The following ELMO1 variants were observed in gnomAD, a reference collection of about 807,000 sequenced individuals.
ELMO1 encodes engulfment and cell motility protein 1.
Under a neutral mutation model 98.9 loss-of-function variants are expected in ELMO1, and 26 were observed. The ratio of observed to expected loss-of-function variants is 0.26; its 90% CI spans 0.19 to 0.36. The LOEUF is 0.36. ELMO1 is among the 10% of genes least tolerant of loss of function. The probability of loss-of-function intolerance (pLI) is 1.00; values close to 1 mark genes in which losing one functional copy is unlikely to be tolerated. For missense variants in ELMO1, 627 were observed against 935.2 expected, an observed-to-expected ratio of 0.67 and a Z score of 4.30; for synonymous variants, 346 against 346.0, an observed-to-expected ratio of 1.00 and a Z score of 0.00.
intron 16 of ELMO1, among the ~76,000 whole-genome samples, chr7:36,973,349 C>A: frequency 6.6e-6 from 1 of 152,150 alleles, no homozygotes; most frequent in East Asian, 1.9e-4. Context: ...ATAACTGAGG[C>A]CTGACATTTA....
chr7:37,333,929 T>A (rs1800258947), intron 2 of ELMO1, among the ~76,000 whole-genome samples: 1 of 152,176 alleles, frequency 6.6e-6, no homozygotes, highest in Non-Finnish European at 1.5e-5. Flanking sequence ...CCCTCATGGA[T>A]AAATTGAGGC....
intron 4 of ELMO1, among the ~76,000 whole-genome samples, chr7:37,288,534 C>T (rs1275884675): frequency 6.6e-6 from 1 of 152,192 alleles, no homozygotes; most frequent in Non-Finnish European, 1.5e-5. Flanking sequence ...CCTTGTGTCA[C>T]CTCTTTAAAG....
intron 14 of ELMO1, among the ~76,000 whole-genome samples, chr7:37,120,878 T>G (rs1057297853): frequency 6.6e-6 from 1 of 152,080 alleles, no homozygotes; most frequent in Non-Finnish European, 1.5e-5. Flanking sequence ...CACCCCCCAG[T>G]AGGGGCAGAC....
intron 17 of ELMO1, among the ~76,000 whole-genome samples, chr7:36,893,627 C>T (rs1805746002): frequency 1.3e-5 from 2 of 152,126 alleles, no homozygotes. Context: ...CTTTTTAAAC[C>T]TCATTTCAGT....
At chr7:36,875,080 T>C (rs183907086) in intron 19 of ELMO1, among the ~76,000 whole-genome samples, 11 of 152,336 alleles carry the variant, frequency 7.2e-5, no homozygotes, top group African/African-American at 2.6e-4. Flanking sequence ...GGCAATGTTA[T>C]GTGGCAAGAG....
At chr7:37,199,983 A>G (rs921173848) in intron 13 of ELMO1, among the ~76,000 whole-genome samples, 1 of 152,190 alleles carries the variant, frequency 6.6e-6, no homozygotes, top group Non-Finnish European at 1.5e-5. Context: ...ACTTGGTTCA[A>G]TGACAGGAAA....
At chr7:37,444,555 C>T (rs1805533048) in intron 1 of ELMO1, among the ~76,000 whole-genome samples, 2 of 152,118 alleles carry the variant, frequency 1.3e-5, no homozygotes, top group Non-Finnish European at 2.9e-5. Flanking sequence ...CTCTGTCGCC[C>T]AGGCTGGAGT....
At chr7:37,357,190 G>A (rs1331737283) in intron 1 of ELMO1, among the ~76,000 whole-genome samples, 1 of 152,130 alleles carries the variant, frequency 6.6e-6, no homozygotes, top group Non-Finnish European at 1.5e-5. Flanking sequence ...CTGGGGCTTT[G>A]GGTCTTCATT....
At chr7:37,241,821 A>T (rs1257411705) in intron 7 of ELMO1, among the ~76,000 whole-genome samples, 4 of 152,208 alleles carry the variant, frequency 2.6e-5, no homozygotes, top group African/African-American at 9.6e-5. Context: ...TTGCATCAAC[A>T]TATGTCATAA....
At chr7:37,206,345 T>TG (rs926878811) in intron 13 of ELMO1, among the ~76,000 whole-genome samples, 53 of 152,268 alleles carry the variant, frequency 3.5e-4, no homozygotes, top group Admixed American at 1.7e-3. Context: ...AGCCTGTGAT[T>TG]GGTAGAGTCA....
intron 13 of ELMO1, among the ~76,000 whole-genome samples, chr7:37,183,057 A>G (rs1370007036): frequency 1.3e-5 from 2 of 152,200 alleles, no homozygotes; most frequent in African/African-American, 2.4e-5. Context: ...ACCAGCTTGC[A>G]TGGAGTCAAA....
chr7:37,215,144 T>C (rs191599769), intron 11 of ELMO1, among the ~76,000 whole-genome samples: 1 of 152,382 alleles, frequency 6.6e-6, no homozygotes, highest in African/African-American at 2.4e-5. Context: ...AAAAGGTTTA[T>C]CTTTCCCGAA....
At chr7:36,999,644 T>C (rs1792493046) in intron 16 of ELMO1, among the ~76,000 whole-genome samples, 1 of 152,200 alleles carries the variant, frequency 6.6e-6, no homozygotes, top group Admixed American at 6.5e-5. Flanking sequence ...CAACAGTAAA[T>C]GCTTATGGGT....
chr7:37,091,116 T>C (rs1784059836), intron 15 of ELMO1, among the ~76,000 whole-genome samples: 2 of 152,340 alleles, frequency 1.3e-5, no homozygotes, highest in South Asian at 4.1e-4. Flanking sequence ...CTTATGTTTT[T>C]AGTTTTTTGA....
intron 16 of ELMO1, among the ~76,000 whole-genome samples, chr7:36,899,723 T>C (rs559376775): frequency 8.3e-6 from 1 of 121,006 alleles, no homozygotes; most frequent in Admixed American, 9.1e-5. Flanking sequence ...CTAGGAGTAC[T>C]AATCATTTAG....
At position 37,000,779 on chromosome 7, in the gene ELMO1, T is replaced by C. The variant is rs376580251; in HGVS notation, c.1437+12520A>G. 7.2e-5 allele frequency among the ~76,000 whole-genome samples: 11 copies of C among 152,198 alleles called. No homozygotes were observed. In the East Asian group the frequency reaches 1.9e-3, roughly 27 times the overall value. ...GAAAGAACAAGCGCCATTACTGATG[T>C]TATTTTTCCCACTGGCCTGGAAACA... On this transcript the variant is annotated intron_variant, in intron 16 of 21. Coordinates refer to ENST00000310758, the MANE Select transcript of ELMO1 (RefSeq NM_014800.11).
intron 19 of ELMO1, 51 bp downstream of exon 19, chr7:36,877,959 G>A (rs781643114): frequency 7.1e-7 from 1 of 1,418,310 alleles, no homozygotes. Context: ...TTGTGACTAG[G>A]AAACAACCAA....
chr7:37,214,890 G>A (rs915721858), intron 11 of ELMO1, among the ~76,000 whole-genome samples: 1 of 152,156 alleles, frequency 6.6e-6, no homozygotes, highest in South Asian at 2.1e-4. Context: ...ACTGATTTTT[G>A]AGACAGGGTG....
intron 8 of ELMO1, among the ~76,000 whole-genome samples, chr7:37,231,332 CA>C (rs35802499): frequency 8.9e-4 from 129 of 144,556 alleles, no homozygotes; most frequent in East Asian, 1.0e-3. Flanking sequence ...TGATTAATTT[CA>C]AAAAAAAAAA....
Sources: allele counts gnomAD v4.1 joint callset (sites outside exome capture counted in the v4.1 genomes callset), GRCh38; gene constraint gnomAD v4.1.1; transcripts MANE v1.5; gene names NCBI Gene and HGNC (gene_info 2026-07-23, HGNC 2026-07-21).